Variants in MAGI2 observed in about 807,000 individuals in gnomAD.
The protein encoded by MAGI2 is membrane associated guanylate kinase, WW and PDZ domain containing 2.
Under a neutral mutation model 133.3 loss-of-function variants are expected in MAGI2, and 35 were observed. The ratio of observed to expected loss-of-function variants is 0.26; its 90% CI spans 0.20 to 0.35. The LOEUF (loss-of-function observed/expected upper bound fraction) is 0.35, where lower values mean the gene tolerates loss of function less well. MAGI2 is among the 10% of genes least tolerant of loss of function. MAGI2 has a pLI of 1.00. For missense variants in MAGI2, 1,636 were observed against 1,863.4 expected (o/e 0.88, Z 2.25); for synonymous variants, 729 against 710.6 (o/e 1.03, Z -0.41).
chr7:78,501,104 C>A (rs184431263), intron 5 of MAGI2, among the ~76,000 whole-genome samples: 3 of 152,132 alleles, frequency 2.0e-5, no homozygotes, highest in Non-Finnish European at 2.9e-5. Context: ...AACCAACCAA[C>A]CAAACAAACA....
intron 6 of MAGI2, among the ~76,000 whole-genome samples, chr7:78,432,134 T>A (rs1799852307): frequency 6.6e-6 from 1 of 151,858 alleles, no homozygotes. Context: ...TAATTTTTTT[T>A]ATCTGACAGC....
At chr7:78,147,786 A>G (rs1823458317) in intron 16 of MAGI2, among the ~76,000 whole-genome samples, 1 of 152,136 alleles carries the variant, frequency 6.6e-6, no homozygotes. Context: ...GCTTGAGCCC[A>G]GGAATTCAAA....
chr7:78,635,750 G>T (rs923817966), intron 2 of MAGI2, among the ~76,000 whole-genome samples: 1 of 152,126 alleles, frequency 6.6e-6, no homozygotes, highest in Admixed American at 6.5e-5. Context: ...CACTTAAGTT[G>T]GTCACAGTTA....
At chr7:78,671,281 C>T (rs975431391) in intron 2 of MAGI2, among the ~76,000 whole-genome samples, 6 of 144,020 alleles carry the variant, frequency 4.2e-5, no homozygotes, top group Non-Finnish European at 7.6e-5. Context: ...CTCTCTCTCT[C>T]TTTTTTTTTT....
intron 21 of MAGI2, among the ~76,000 whole-genome samples, chr7:78,059,777 A>ATATTTTTTTTT (rs368179491): frequency 3.4e-5 from 5 of 146,086 alleles, no homozygotes; most frequent in African/African-American, 1.3e-4. Context: ...ATATATATAT[A>ATATTTTTTTTT]TTTTTTTTCT....
At chr7:79,323,571 C>T (rs1839363652) in intron 1 of MAGI2, among the ~76,000 whole-genome samples, 2 of 151,984 alleles carry the variant, frequency 1.3e-5, no homozygotes, top group Admixed American at 6.6e-5. Context: ...GAGTAGAGTC[C>T]AGAGAGGAGT....
intron 1 of MAGI2, among the ~76,000 whole-genome samples, chr7:79,239,166 T>A (rs570470788): frequency 6.6e-6 from 1 of 152,316 alleles, no homozygotes; most frequent in Non-Finnish European, 1.5e-5. Flanking sequence ...CATAAAATTG[T>A]ATTAATGTAT....
chr7:79,429,170 A>G (rs1847603751), intron 1 of MAGI2, among the ~76,000 whole-genome samples: 1 of 152,180 alleles, frequency 6.6e-6, no homozygotes, highest in East Asian at 1.9e-4. Context: ...TATTCAACAG[A>G]ACAGCTTTTG....
intron 2 of MAGI2, among the ~76,000 whole-genome samples, chr7:78,852,198 T>C (rs900550010): frequency 6.6e-6 from 1 of 152,184 alleles, no homozygotes; most frequent in African/African-American, 2.4e-5. Context: ...ATTGCCCCAT[T>C]GCTTTTCTTC....
chr7:78,740,647 T>C (rs757978739), intron 2 of MAGI2, among the ~76,000 whole-genome samples: 5 of 152,202 alleles, frequency 3.3e-5, no homozygotes, highest in Non-Finnish European at 7.3e-5. Context: ...GTTCAGTTTT[T>C]AGCATCACTG....
chr7:78,524,070 G>A (rs1796742481), intron 3 of MAGI2, among the ~76,000 whole-genome samples: 1 of 151,582 alleles, frequency 6.6e-6, no homozygotes, highest in African/African-American at 2.4e-5. Context: ...AAAATCCCAG[G>A]CAGGATCATC....
At chr7:78,466,486 TTAAG>T (rs1790647671) in intron 6 of MAGI2, among the ~76,000 whole-genome samples, 1 of 152,160 alleles carries the variant, frequency 6.6e-6, no homozygotes, top group Non-Finnish European at 1.5e-5. Flanking sequence ...TGCGCCTAAT[TTAAG>T]TGTGTTATTT....
At chr7:78,736,419 T>C (rs1359628836) in intron 2 of MAGI2, among the ~76,000 whole-genome samples, 2 of 152,220 alleles carry the variant, frequency 1.3e-5, no homozygotes, top group African/African-American at 2.4e-5. Context: ...GAAACTTACA[T>C]TTTTAAGAAC....
rs1585319990 is a variant in MAGI2, at chr7:78,760,210, T to G, written c.419-132971A>C. Among the ~76,000 whole-genome samples the G allele has an allele frequency of 3.9e-5, 6 of 152,282 alleles. No homozygotes were observed. In the South Asian group the frequency reaches 1.2e-3, roughly 32 times the overall value. ...GCACCTGCCTTTTATAACCTGTATT[T>G]TTTTCATTATATAATATTTTTAAGG... On this transcript the variant is annotated intron_variant, in intron 2 of 21. Transcript: ENST00000354212.
intron 1 of MAGI2, among the ~76,000 whole-genome samples, chr7:79,023,059 T>C (rs1809504402): frequency 6.6e-6 from 1 of 152,142 alleles, no homozygotes; most frequent in South Asian, 2.1e-4. Context: ...GCTAATATCA[T>C]TTATGAATAT....
At chr7:78,222,529 C>G (rs974834963) in intron 10 of MAGI2, among the ~76,000 whole-genome samples, 1 of 152,148 alleles carries the variant, frequency 6.6e-6, no homozygotes, top group East Asian at 1.9e-4. Context: ...AAGTAACTTA[C>G]CCCCAGTCAC....
rs946192635 is a variant in MAGI2, at chr7:78,797,403, A to T, written c.419-170164T>A. 2.0e-5 allele frequency among the ~76,000 whole-genome samples: 3 copies of T among 152,246 alleles called. 1 individual carries two copies. Among genetic ancestry groups the T allele is most frequent in the Middle Eastern group, 6.8e-3 (2 of 294 alleles). ...GTGAGCTCTAGAAACCCTAAATTCC[A>T]TAAGTAGATCAATAGGAAACTGGGG... On this transcript the variant is annotated intron_variant, in intron 2 of 21. Transcript: ENST00000354212.
chr7:78,959,828 G>A (rs560502985), intron 2 of MAGI2, among the ~76,000 whole-genome samples: 18 of 152,186 alleles, frequency 1.2e-4, no homozygotes, highest in African/African-American at 4.3e-4. Context: ...CATGGGCACC[G>A]GCAAACACGG....
intron 1 of MAGI2, among the ~76,000 whole-genome samples, chr7:79,286,910 C>T (rs770716523): frequency 8.6e-5 from 13 of 151,958 alleles, no homozygotes; most frequent in Non-Finnish European, 1.9e-4. Flanking sequence ...GCATAGATTG[C>T]GTGGTGGTCA....
Sources: allele counts gnomAD v4.1 joint callset (sites outside exome capture counted in the v4.1 genomes callset), GRCh38; gene constraint gnomAD v4.1.1; transcripts MANE v1.5; gene names NCBI Gene and HGNC (gene_info 2026-07-23, HGNC 2026-07-21).